Variants in AXDND1 observed in about 807,000 individuals in gnomAD.
The protein encoded by AXDND1 is axonemal dynein light chain domain-containing protein 1.
AXDND1 carries 110 observed loss-of-function variants against 137.5 expected under a neutral mutation model. The ratio of observed to expected loss-of-function variants is 0.80; its 90% CI spans 0.69 to 0.94. AXDND1 has a LOEUF of 0.94. Among genes scored for constraint, AXDND1 ranks in the 40% least tolerant of loss-of-function variants. The pLI, the probability that AXDND1 is intolerant of heterozygous loss-of-function variation, is 0.00. For synonymous variants in AXDND1, 414 were observed against 399.7 expected, an observed-to-expected ratio of 1.04 and a Z score of -0.43; for missense variants, 1,191 against 1,169.8, an observed-to-expected ratio of 1.02 and a Z score of -0.26.
At chr1:179,409,201 T>C (rs1485778815) in intron 11 of AXDND1, among the ~76,000 whole-genome samples, 1 of 152,118 alleles carries the variant, frequency 6.6e-6, no homozygotes, top group African/African-American at 2.4e-5. Context: ...TCCTAGATGT[T>C]CTTTTTTGGT....
chr1:179,395,047 C>CT (rs1206767428), intron 10 of AXDND1, 51 bp from the exon 11 acceptor site: 1 of 1,510,384 alleles, frequency 6.6e-7, no homozygotes, highest in Non-Finnish European at 9.0e-7. Context: ...TTGGTAGAAA[C>CT]TTTTTGGAAA....
At chr1:179,465,108 CCTT>C (rs989465197) in intron 16 of AXDND1, among the ~76,000 whole-genome samples, 89 of 152,266 alleles carry the variant, frequency 5.8e-4, no homozygotes, top group African/African-American at 2.1e-3. Flanking sequence ...TCATCTGAAG[CCTT>C]CTTCTCTCAA....
At chr1:179,534,385 G>T (rs1671316779) in intron 24 of AXDND1, 1 of 198,250 alleles carries the variant, frequency 5.0e-6, no homozygotes, top group East Asian at 1.2e-4. Flanking sequence ...AAGTGACTCT[G>T]TTGAATTTAG....
At chr1:179,518,385 C>CT (rs71114530) in intron 21 of AXDND1, among the ~76,000 whole-genome samples, 41,101 of 144,598 alleles carry the variant, frequency 0.28, 5,914 homozygotes, top group East Asian at 0.38. Flanking sequence ...TTTCCTTTTT[C>CT]TTTTTTTTTT....
At chr1:179,507,628 C>T (rs76475039) in intron 20 of AXDND1, among the ~76,000 whole-genome samples, 14,024 of 152,166 alleles carry the variant, frequency 0.092, 721 homozygotes, top group Non-Finnish European at 0.098. Context: ...TGATGAATAT[C>T]ACTGAAATTG....
intron 11 of AXDND1, among the ~76,000 whole-genome samples, chr1:179,408,059 C>T (rs1653254514): frequency 6.6e-6 from 1 of 152,076 alleles, no homozygotes; most frequent in East Asian, 1.9e-4. Context: ...TTGAAGCTAT[C>T]AAATGTATTT....
At position 179,525,387 on chromosome 1, in the gene AXDND1, TGAA is replaced by T. The variant is rs1670433298; in HGVS notation, c.2557_2559del (p.Glu853del). 6.2e-7 allele frequency: 1 copy of T among 1,612,386 alleles called. No individual in the cohort carries two copies. Among genetic ancestry groups the T allele is most frequent in the Non-Finnish European group, 8.5e-7 (1 of 1,179,000 alleles). On this transcript the variant is annotated inframe_deletion, in exon 22 of 26. Transcript: ENST00000367618. Reference sequence around the variant, plus strand: ...AAATAGACGAGTCTTTTAAAGAAGATGAAGAAGAAAGTAAGGAGGATAGGAAAC... The same window carrying T: ...AAATAGACGAGTCTTTTAAAGAAGATGAAGAAAGTAAGGAGGATAGGAAAC...
chr1:179,548,600 G>A (rs907114210), intron 25 of AXDND1: 2 of 152,130 alleles, frequency 1.3e-5, no homozygotes, highest in African/African-American at 4.8e-5. Flanking sequence ...CAGAATTATT[G>A]GAACCTCATA....
chr1:179,501,502 G>A (rs1667995507), intron 20 of AXDND1, among the ~76,000 whole-genome samples: 2 of 152,160 alleles, frequency 1.3e-5, no homozygotes, highest in African/African-American at 4.8e-5. Context: ...ATGAGGTCAG[G>A]AGATCGAGAC....
At chr1:179,380,635 T>C (rs1015066481) in intron 6 of AXDND1, among the ~76,000 whole-genome samples, 1 of 152,220 alleles carries the variant, frequency 6.6e-6, no homozygotes, top group Non-Finnish European at 1.5e-5. Flanking sequence ...AACTTTGGAC[T>C]AAGGTTTTAT....
chr1:179,424,117 C>T (rs1656198986), intron 12 of AXDND1, among the ~76,000 whole-genome samples: 1 of 150,330 alleles, frequency 6.7e-6, no homozygotes, highest in Non-Finnish European at 1.5e-5. Context: ...GGATATAGTA[C>T]TCTTGGATAG....
chr1:179,456,530 A>G, intron 16 of AXDND1: 1 of 776,138 alleles, frequency 1.3e-6, no homozygotes, highest in East Asian at 2.4e-5. Flanking sequence ...AACCCTGTCC[A>G]ACACTTCCAT....
chr1:179,521,120 C>T (rs1033601910), intron 21 of AXDND1, among the ~76,000 whole-genome samples: 2 of 151,960 alleles, frequency 1.3e-5, no homozygotes, highest in South Asian at 4.2e-4. Context: ...TGGCACCATG[C>T]CTGGCTAATT....
At chr1:179,421,164 G>A (rs1381815478) in intron 12 of AXDND1, among the ~76,000 whole-genome samples, 1 of 148,210 alleles carries the variant, frequency 6.7e-6, no homozygotes, top group African/African-American at 2.5e-5. Context: ...ATATTTTATT[G>A]CATTGGTCTA....
At chr1:179,404,797 T>G (rs1652679460) in intron 11 of AXDND1, among the ~76,000 whole-genome samples, 1 of 152,152 alleles carries the variant, frequency 6.6e-6, no homozygotes, top group Admixed American at 6.6e-5. Context: ...AATTCCCTCC[T>G]CTTCAATTTT....
At chr1:179,449,332 C>T (rs1433272676) in intron 16 of AXDND1, 3 of 304,456 alleles carry the variant, frequency 9.9e-6, no homozygotes, top group African/African-American at 6.9e-5. Context: ...AATCAGTTAA[C>T]CAGAGATCTC....
chr1:179,547,459 A>T (rs572385855), intron 25 of AXDND1, among the ~76,000 whole-genome samples: 7 of 152,366 alleles, frequency 4.6e-5, no homozygotes, highest in African/African-American at 1.4e-4. Flanking sequence ...TGAGAAGTGC[A>T]GCTTGTCTAA....
At chr1:179,384,340 G>C (rs1648860869) in intron 8 of AXDND1, among the ~76,000 whole-genome samples, 1 of 151,978 alleles carries the variant, frequency 6.6e-6, no homozygotes, top group South Asian at 2.1e-4. Context: ...AGATATTCAG[G>C]ATATATTTCC....
chr1:179,499,704 G>T (rs574951171), intron 20 of AXDND1, among the ~76,000 whole-genome samples: 2 of 152,204 alleles, frequency 1.3e-5, no homozygotes, highest in Non-Finnish European at 2.9e-5. Flanking sequence ...GACTAAAATT[G>T]GGAAGCTTTT....
Sources: gnomAD v4.1 joint callset for allele counts (sites outside exome capture counted in the v4.1 genomes callset) on GRCh38, gnomAD v4.1.1 for gene constraint, MANE v1.5 for transcripts, NCBI Gene and HGNC (gene_info 2026-07-23, HGNC 2026-07-21) for gene names.